Variants in SAMMSON observed in about 807,000 individuals in gnomAD.
SAMMSON encodes the protein survival associated mitochondrial melanoma specific oncogenic non-coding RNA.
chr3:70,127,373 GATCATAA>G (rs1426217374), intron 4 of SAMMSON: 1 of 152,040 alleles, frequency 6.6e-6, no homozygotes, highest in African/African-American at 2.4e-5. Flanking sequence ...TCAGGGTCAG[GATCATAA>G]ATTATCAGAA....
chr3:70,128,362 A>G (rs1171729740), intron 4 of SAMMSON, among the ~76,000 whole-genome samples: 1 of 152,254 alleles, frequency 6.6e-6, no homozygotes, highest in Non-Finnish European at 1.5e-5. Context: ...ATACTAGTCC[A>G]GCAAGAAAAA....
intron 4 of SAMMSON, among the ~76,000 whole-genome samples, chr3:70,105,626 G>T (rs2067364238): frequency 6.6e-6 from 1 of 152,118 alleles, no homozygotes; most frequent in South Asian, 2.1e-4. Context: ...TTAGCAAATT[G>T]GACCCCATTT....
chr3:70,291,017 C>G (rs1031453077), intron 6 of SAMMSON, among the ~76,000 whole-genome samples: 5 of 152,224 alleles, frequency 3.3e-5, no homozygotes, highest in Non-Finnish European at 5.9e-5. Flanking sequence ...AATCACCGGT[C>G]TTCTGCTTCG....
chr3:70,386,605 A>T (rs1703124492), intron 9 of SAMMSON, among the ~76,000 whole-genome samples: 1 of 152,018 alleles, frequency 6.6e-6, no homozygotes, highest in Non-Finnish European at 1.5e-5. Flanking sequence ...TGGCAGATGG[A>T]GGATTTGGAG....
intron 1 of SAMMSON, among the ~76,000 whole-genome samples, chr3:70,006,660 CTTTT>C (rs1302595324): frequency 2.0e-5 from 3 of 151,670 alleles, no homozygotes; most frequent in Non-Finnish European, 2.9e-5. Context: ...TTATTTTTTC[CTTTT>C]TTTTAAATTA....
intron 4 of SAMMSON, among the ~76,000 whole-genome samples, chr3:70,142,236 T>C (rs541915515): frequency 6.6e-6 from 1 of 152,200 alleles, no homozygotes; most frequent in Non-Finnish European, 1.5e-5. Flanking sequence ...CATATGCATA[T>C]TTATAGCAGC....
intron 3 of SAMMSON, among the ~76,000 whole-genome samples, chr3:70,029,882 A>G (rs2067057955): frequency 6.6e-6 from 1 of 152,138 alleles, no homozygotes; most frequent in South Asian, 2.1e-4. Flanking sequence ...CTATTTGAGT[A>G]TCGTTTGCAT....
At chr3:70,074,606 A>G (rs1033819369) in intron 4 of SAMMSON, among the ~76,000 whole-genome samples, 1 of 152,144 alleles carries the variant, frequency 6.6e-6, no homozygotes, top group Non-Finnish European at 1.5e-5. Context: ...CAGGACATTT[A>G]AAAATCAGTC....
At chr3:70,400,169 A>G (rs541959712) in intron 2 of SAMMSON, among the ~76,000 whole-genome samples, 6 of 152,324 alleles carry the variant, frequency 3.9e-5, no homozygotes, top group African/African-American at 1.4e-4. Context: ...AAGGGGACCA[A>G]TCAAAAACAA....
intron 2 of SAMMSON, among the ~76,000 whole-genome samples, chr3:70,434,404 A>G (rs1330326553): frequency 2.0e-5 from 3 of 152,146 alleles, no homozygotes; most frequent in Admixed American, 2.0e-4. Context: ...TATGCTTTAA[A>G]CTTCAAATTC....
At chr3:70,148,893 G>C (rs2067559961) in intron 4 of SAMMSON, among the ~76,000 whole-genome samples, 1 of 152,058 alleles carries the variant, frequency 6.6e-6, no homozygotes, top group Non-Finnish European at 1.5e-5. Context: ...GTGATGGTTT[G>C]GAATGGATTT....
At chr3:70,037,708 CTG>C (rs1553711894) in intron 3 of SAMMSON, among the ~76,000 whole-genome samples, 1 of 152,140 alleles carries the variant, frequency 6.6e-6, no homozygotes, top group Non-Finnish European at 1.5e-5. Context: ...ATTCTTGCAC[CTG>C]TGGCAGACAT....
intron 2 of SAMMSON, among the ~76,000 whole-genome samples, chr3:70,407,454 TGG>T (rs1701185629): frequency 6.6e-6 from 1 of 152,140 alleles, no homozygotes; most frequent in African/African-American, 2.4e-5. Flanking sequence ...ATACAGGTAT[TGG>T]TAAATACAGC....
At chr3:70,143,276 G>T (rs1044044974) in intron 4 of SAMMSON, among the ~76,000 whole-genome samples, 1 of 147,470 alleles carries the variant, frequency 6.8e-6, no homozygotes, top group Non-Finnish European at 1.5e-5. Flanking sequence ...GGCACTAGGA[G>T]AATCAAAGGC....
intron 3 of SAMMSON, among the ~76,000 whole-genome samples, chr3:70,032,227 A>G (rs371594813): frequency 2.0e-5 from 3 of 152,310 alleles, no homozygotes; most frequent in Admixed American, 1.3e-4. Flanking sequence ...ATTTGTATTG[A>G]ATTTATGTCA....
At chr3:70,067,190 T>TAGGAA (rs1395693786) in intron 3 of SAMMSON, among the ~76,000 whole-genome samples, 34 of 152,106 alleles carry the variant, frequency 2.2e-4, no homozygotes, top group Admixed American at 1.3e-4. Context: ...ATCGGAGAGA[T>TAGGAA]TTCCTTACGG....
intron 7 of SAMMSON, among the ~76,000 whole-genome samples, chr3:70,292,744 C>T (rs371910077): frequency 2.6e-5 from 4 of 152,040 alleles, no homozygotes; most frequent in Admixed American, 2.0e-4. Flanking sequence ...CACACACATG[C>T]ACACACACTG....
intron 2 of SAMMSON, among the ~76,000 whole-genome samples, chr3:70,394,999 T>A (rs1701079741): frequency 6.6e-6 from 1 of 152,238 alleles, no homozygotes; most frequent in Non-Finnish European, 1.5e-5. Context: ...GAAAGCTGAG[T>A]TTGGTGCTCT....
intron 4 of SAMMSON, among the ~76,000 whole-genome samples, chr3:70,141,043 T>C (rs1232108676): frequency 3.3e-5 from 5 of 152,130 alleles, no homozygotes; most frequent in Non-Finnish European, 7.4e-5. Context: ...TTATTTTCTT[T>C]TTCTAGCATG....
Sources: gnomAD v4.1 joint callset for allele counts (sites outside exome capture counted in the v4.1 genomes callset) on GRCh38, gnomAD v4.1.1 for gene constraint, MANE v1.5 for transcripts, NCBI Gene and HGNC (gene_info 2026-07-23, HGNC 2026-07-21) for gene names.